HAUS6: variants seen among roughly 807,000 people sequenced by gnomAD.
The protein encoded by HAUS6 is HAUS augmin-like complex subunit 6.
A neutral mutation model predicts 106.8 loss-of-function variants in HAUS6; 80 were observed. That is an observed-to-expected ratio of 0.75 (90% CI 0.63 to 0.90). The LOEUF (loss-of-function observed/expected upper bound fraction) is 0.90, where lower values mean the gene tolerates loss of function less well. Among genes scored for constraint, HAUS6 ranks in the 40% least tolerant of loss-of-function variants. HAUS6 has a pLI of 0.00. For missense variants in HAUS6, 1,155 were observed against 1,118.1 expected (o/e 1.03, Z -0.47); for synonymous variants, 356 against 379.1 (o/e 0.94, Z 0.71).
intron 16 of HAUS6, 46 bp downstream of exon 16, chr9:19,057,915 A>C: frequency 1.7e-6 from 2 of 1,147,102 alleles, no homozygotes; most frequent in Non-Finnish European, 2.5e-6. Context: ...AAAAGTTGAG[A>C]GAAAACTTCA....
rs528886932 is a variant in HAUS6 at position 19,062,859 on chromosome 9, T to C, written c.1629+149A>G. On this transcript the variant is annotated intron_variant, in intron 14 of 16. Transcript: ENST00000380502. ...TTTTTAATTTTTTTGTAGAGATGGG[T>C]TTCGCCATGTTGCCCATGCTGGTCT... is the stretch of plus-strand genomic sequence containing the variant. The C allele has an allele frequency of 5.7e-4, 376 of 660,556 alleles. 2 individuals carry two copies. Among genetic ancestry groups the C allele is most frequent in the Non-Finnish European group, 8.9e-4 (338 of 378,146 alleles). 40.9% of individuals were successfully genotyped at this position (660,556 alleles called of 1,614,324 possible). A position where few individuals can be genotyped will look rare whatever the true frequency, so the allele number is the denominator to read the frequency against.
chr9:19,098,136 C>T (rs955730795), intron 1 of HAUS6, among the ~76,000 whole-genome samples: 1 of 152,122 alleles, frequency 6.6e-6, no homozygotes, highest in Non-Finnish European at 1.5e-5. Flanking sequence ...TTTGTTCCAT[C>T]GCTAGACTAA....
rs373475014 is a variant in HAUS6, at chr9:19,073,622, T to G, written c.1294+2980A>C. ...GAAAACACAACACAACCCTAAGAGCTCTGTTGACTAGTGGATCTCCAAAAA... is the reference window on the plus strand; with the variant it reads ...GAAAACACAACACAACCCTAAGAGCGCTGTTGACTAGTGGATCTCCAAAAA... On this transcript the variant is annotated intron_variant, in intron 11 of 16. Transcript: ENST00000380502. Among the ~76,000 whole-genome samples, 138 of 146,708 alleles carry G rather than the reference T, an allele frequency of 9.4e-4. 1 individual carries two copies. Among genetic ancestry groups the G allele is most frequent in the Non-Finnish European group, 1.7e-3 (112 of 66,820 alleles).
intron 5 of HAUS6, among the ~76,000 whole-genome samples, 156 bp downstream of exon 5, chr9:19,089,256 G>C (rs62563645): frequency 6.8e-6 from 1 of 147,944 alleles, no homozygotes. Flanking sequence ...GTCTCAGATA[G>C]GGAAAAAAAA....
intron 16 of HAUS6, 108 bp from the exon 17 acceptor site, chr9:19,056,512 G>A: frequency 3.1e-6 from 2 of 652,178 alleles, no homozygotes; most frequent in Non-Finnish European, 5.5e-6. Flanking sequence ...TCATAGCTTT[G>A]CAAATACTTG....
rs966284266 is a variant in HAUS6 at position 19,054,728 on chromosome 9, T to C, written c.*1615A>G. ...AAAGTACCACAGGGTTAAATGTGAA[T>C]CTCTATTTCCTAGCAGCAGTTCTCA... On this transcript the variant is annotated 3_prime_UTR_variant, in exon 17 of 17. Transcript: ENST00000380502. 3.3e-5 allele frequency: 5 copies of C among 152,184 alleles called. No homozygotes were observed. The highest frequency in any genetic ancestry group is 1.2e-4 in the African/African-American group (5 of 41,444). The allele number at this position is 152,184 out of a possible 1,614,324, so 9.4% of individuals were successfully genotyped here.
intron 12 of HAUS6, among the ~76,000 whole-genome samples, chr9:19,066,585 A>G (rs992617585): frequency 4.6e-5 from 7 of 152,130 alleles, no homozygotes; most frequent in Non-Finnish European, 8.8e-5. Flanking sequence ...CCCCCCACAC[A>G]CACAAACACA....
Position 19,076,676 on chromosome 9 carries a change from G to A in HAUS6, c.1220C>T (p.Pro407Leu), listed in dbSNP as rs1168535736. 3.0e-5 allele frequency: 47 copies of A among 1,555,756 alleles called. No homozygotes were observed. Among genetic ancestry groups the A allele is most frequent in the Non-Finnish European group, 3.9e-5 (44 of 1,127,656 alleles). Residue 407 changes from proline to leucine, a missense_variant, in exon 11 of 17, where the codon CCC (proline) becomes CTC (leucine). By Grantham distance (98) the Pro-to-Leu change is moderately conservative. Around this residue, in one of 3 missense-constraint regions of HAUS6, gnomAD observed 761 missense variants for 690.0 expected, o/e 1.10. Transcript: ENST00000380502. ...PSVDLLPPMS[P>L]LSFDPASEEV... ...TTCTGAGGCAGGATCAAACGAAAGG[G>A]GAGACATTGGTGGTAAAAGATCTAC... is the stretch of plus-strand genomic sequence containing the variant.
At chr9:19,078,394 G>T in intron 9 of HAUS6, 92 bp from the exon 10 acceptor site, 1 of 700,816 alleles carries the variant, frequency 1.4e-6, no homozygotes, top group Non-Finnish European at 2.4e-6. Context: ...TAGAGAAGTG[G>T]AAGGAAATAG....
At chr9:19,059,561 A>T (rs1266049048) in intron 15 of HAUS6, among the ~76,000 whole-genome samples, 2 of 152,232 alleles carry the variant, frequency 1.3e-5, no homozygotes, top group Non-Finnish European at 2.9e-5. Context: ...CAAAACAGAA[A>T]TTATTTAATT....
At chr9:19,100,731 A>G (rs1305406337) in intron 1 of HAUS6, among the ~76,000 whole-genome samples, 1 of 152,226 alleles carries the variant, frequency 6.6e-6, no homozygotes, top group Admixed American at 6.5e-5. Flanking sequence ...TGTGGTATAT[A>G]TACACAATGG....
intron 3 of HAUS6, 97 bp downstream of exon 3, chr9:19,094,220 T>C (rs1817813354): frequency 4.4e-6 from 3 of 686,970 alleles, no homozygotes; most frequent in Middle Eastern, 3.0e-4. Flanking sequence ...ACTGATAGCA[T>C]TAAAGCATTA....
intron 4 of HAUS6, among the ~76,000 whole-genome samples, chr9:19,090,363 T>C (rs182233439): frequency 6.6e-6 from 1 of 152,070 alleles, no homozygotes; most frequent in Non-Finnish European, 1.5e-5. Flanking sequence ...CCAAACAGAA[T>C]CTTTTCTTTT....
Position 19,053,205 on chromosome 9 carries a change from A to G in HAUS6, c.*3138T>C, listed in dbSNP as rs1275633550. 4 of 152,188 alleles carry G rather than the reference A, an allele frequency of 2.6e-5. No individual in the cohort carries two copies. The East Asian group carries it at 7.7e-4, about 29-fold the overall frequency. The allele number at this position is 152,188 out of a possible 1,614,324, so 9.4% of individuals were successfully genotyped here. A position where few individuals can be genotyped will look rare whatever the true frequency, so the allele number is the denominator to read the frequency against. On this transcript the variant is annotated 3_prime_UTR_variant, in exon 17 of 17. Coordinates refer to ENST00000380502, the MANE Select transcript of HAUS6 (RefSeq NM_017645.5). ...ACATTTACAGAGAGTCCCATAGAGGATTCTCAAATATTTTAAACTTAGGAT... is the reference window on the plus strand; with the variant it reads ...ACATTTACAGAGAGTCCCATAGAGGGTTCTCAAATATTTTAAACTTAGGAT...
chr9:19,076,339 G>T (rs1013786977), intron 11 of HAUS6, among the ~76,000 whole-genome samples: 1 of 152,028 alleles, frequency 6.6e-6, no homozygotes. Flanking sequence ...GGGCAACAAA[G>T]TGAGACCCTG....
chr9:19,086,341 C>A (rs930808457), intron 7 of HAUS6, among the ~76,000 whole-genome samples: 4 of 150,952 alleles, frequency 2.6e-5, no homozygotes, highest in African/African-American at 9.8e-5. Context: ...GGAAGGGAGG[C>A]TGGGCGCGGT....
rs765656040 is a variant in HAUS6 at position 19,058,535 on chromosome 9, G to C, written c.2232C>G (p.Asn744Lys). 6.3e-7 allele frequency: 1 copy of C among 1,582,052 alleles called. No homozygotes were observed. Among genetic ancestry groups the C allele is most frequent in the Non-Finnish European group, 8.6e-7 (1 of 1,159,948 alleles). Residue 744 changes from asparagine (N) to lysine (K), a missense_variant, in exon 16 of 17, where the codon AAC becomes AAG. Asn to Lys is a moderately conservative substitution (Grantham distance 94). Transcript: ENST00000380502. ...KILDHLEVSC[N>K]KPSTNKTMLW... is the part of the protein sequence containing the mutation. ...ACATAGTTTTATTTGTGGAAGGTTTGTTACAAGAAACTTCTAAGTGGTCCA... is the reference window on the plus strand; with the variant it reads ...ACATAGTTTTATTTGTGGAAGGTTTCTTACAAGAAACTTCTAAGTGGTCCA...
intron 4 of HAUS6, among the ~76,000 whole-genome samples, chr9:19,092,144 T>C (rs1817762987): frequency 6.6e-6 from 1 of 152,020 alleles, no homozygotes; most frequent in South Asian, 2.1e-4. Context: ...ACAGACATTA[T>C]CCATACAATA....
intron 11 of HAUS6, among the ~76,000 whole-genome samples, chr9:19,071,412 T>A (rs546250018): frequency 6.6e-6 from 1 of 152,112 alleles, no homozygotes; most frequent in East Asian, 1.9e-4. Flanking sequence ...GAATAAGAGA[T>A]AAAGTAATAT....
Sources: gnomAD v4.1 joint callset for allele counts (sites outside exome capture counted in the v4.1 genomes callset) on GRCh38, gnomAD v4.1.1 for gene constraint, gnomAD v4.1.1 regional missense constraint, MANE v1.5 for transcripts, NCBI Gene and HGNC (gene_info 2026-07-23, HGNC 2026-07-21) for gene names.